SHISA9: variants seen among roughly 807,000 people sequenced by gnomAD.
SHISA9 encodes protein shisa-9.
SHISA9 carries 13 observed loss-of-function variants against 38.0 expected under a neutral mutation model. That is an observed-to-expected ratio of 0.34 (90% CI 0.22 to 0.54). The LOEUF (loss-of-function observed/expected upper bound fraction) is 0.54, where lower values mean the gene tolerates loss of function less well. SHISA9 is among the 20% of genes least tolerant of loss of function. The pLI is 0.91. For synonymous variants in SHISA9, 275 were observed against 242.0 expected (o/e 1.14, Z -1.27); for missense variants, 538 against 575.8 (o/e 0.93, Z 0.67).
At chr16:13,114,988 A>G (rs1399128139) in intron 2 of SHISA9, among the ~76,000 whole-genome samples, 1 of 137,264 alleles carries the variant, frequency 7.3e-6, no homozygotes, top group Non-Finnish European at 1.5e-5. Flanking sequence ...CTATCTATCT[A>G]TCGATCATCT....
chr16:13,178,570 G>C (rs1403321031), intron 2 of SHISA9, among the ~76,000 whole-genome samples: 1 of 152,208 alleles, frequency 6.6e-6, no homozygotes, highest in African/African-American at 2.4e-5. Flanking sequence ...CTATTTGGCA[G>C]AGTCATCTAG....
At chr16:13,308,084 T>C in the SHISA9 span, among the ~76,000 whole-genome samples, 3 of 152,192 alleles carry the variant, frequency 2.0e-5, no homozygotes, top group East Asian at 5.8e-4. Flanking sequence ...ACATTCAAAG[T>C]ACATCTGGAA....
At chr16:13,446,675 A>G in the SHISA9 span, among the ~76,000 whole-genome samples, 5 of 151,954 alleles carry the variant, frequency 3.3e-5, no homozygotes, top group African/African-American at 1.2e-4. Flanking sequence ...TTGTGGGAGA[A>G]TCAGAAAGGA....
At chr16:12,953,715 A>G (rs1436224289) in intron 2 of SHISA9, among the ~76,000 whole-genome samples, 1 of 152,192 alleles carries the variant, frequency 6.6e-6, no homozygotes, top group Non-Finnish European at 1.5e-5. Context: ...ATTCATTCTC[A>G]CACTGCTATA....
chr16:12,940,833 T>C (rs999487159), intron 2 of SHISA9, among the ~76,000 whole-genome samples: 1 of 152,216 alleles, frequency 6.6e-6, no homozygotes, highest in African/African-American at 2.4e-5. Flanking sequence ...GTGGTGTTAC[T>C]ATCCAGTTAC....
chr16:12,988,026 C>T (rs1344615177), intron 2 of SHISA9, among the ~76,000 whole-genome samples: 2 of 152,144 alleles, frequency 1.3e-5, no homozygotes, highest in East Asian at 1.9e-4. Flanking sequence ...TAATCAGATA[C>T]CCAAAGAGGA....
chr16:13,540,241 A>G, the SHISA9 span, among the ~76,000 whole-genome samples: 2 of 151,954 alleles, frequency 1.3e-5, no homozygotes, highest in Non-Finnish European at 2.9e-5. Context: ...CCTATAGCAG[A>G]TCATTCTTGG....
At chr16:13,058,156 T>C (rs2073331789) in intron 2 of SHISA9, among the ~76,000 whole-genome samples, 1 of 152,180 alleles carries the variant, frequency 6.6e-6, no homozygotes, top group Non-Finnish European at 1.5e-5. Flanking sequence ...CCCAGGCATA[T>C]GAACTTTTTT....
chr16:13,342,867 A>C, the SHISA9 span, among the ~76,000 whole-genome samples: 1 of 152,204 alleles, frequency 6.6e-6, no homozygotes, highest in Non-Finnish European at 1.5e-5. Flanking sequence ...TAAGGGCTAC[A>C]CACCTGAGCA....
At chr16:13,073,252 T>G (rs2073540352) in intron 2 of SHISA9, among the ~76,000 whole-genome samples, 1 of 148,350 alleles carries the variant, frequency 6.7e-6, no homozygotes, top group Non-Finnish European at 1.5e-5. Flanking sequence ...ACAACAGGAC[T>G]TATCATTTCT....
the SHISA9 span, among the ~76,000 whole-genome samples, chr16:13,551,666 A>G: frequency 6.6e-6 from 1 of 152,184 alleles, no homozygotes; most frequent in Non-Finnish European, 1.5e-5. Context: ...GGCAGACACA[A>G]TTGCTGTGCA....
chr16:13,203,337 G>C, intron 2 of SHISA9, 57 bp from the exon 3 acceptor site: 1 of 1,400,640 alleles, frequency 7.1e-7, no homozygotes, highest in Non-Finnish European at 9.3e-7. Flanking sequence ...TGATGGGAGG[G>C]AAGGTAGATG....
At chr16:13,264,763 C>T in the SHISA9 span, among the ~76,000 whole-genome samples, 1 of 151,970 alleles carries the variant, frequency 6.6e-6, no homozygotes, top group Non-Finnish European at 1.5e-5. Context: ...GAGCACAGAA[C>T]CCTCATCTTG....
At chr16:12,912,756 T>G (rs2071202869) in intron 1 of SHISA9, among the ~76,000 whole-genome samples, 1 of 152,202 alleles carries the variant, frequency 6.6e-6, no homozygotes, top group African/African-American at 2.4e-5. Context: ...CCCGCACTGC[T>G]TAGTGAGTTC....
chr16:13,241,237 G>A (rs149419033), downstream of SHISA9, among the ~76,000 whole-genome samples: 3,410 of 152,234 alleles, frequency 0.022, 51 homozygotes, highest in Non-Finnish European at 0.033. Context: ...CTAGGCAGCC[G>A]GGCACGGTGG....
intron 4 of SHISA9, among the ~76,000 whole-genome samples, chr16:13,231,501 T>C (rs2051331439): frequency 6.6e-6 from 1 of 152,260 alleles, no homozygotes; most frequent in Non-Finnish European, 1.5e-5. Context: ...ATTTCAGGAA[T>C]GTGTGATCCT....
At chr16:13,167,756 G>C (rs1254588976) in intron 2 of SHISA9, among the ~76,000 whole-genome samples, 1 of 152,032 alleles carries the variant, frequency 6.6e-6, no homozygotes, top group African/African-American at 2.4e-5. Context: ...TTATTTTCCC[G>C]AGGCCTCCCC....
At chr16:13,217,862 T>C (rs1244345185) in intron 4 of SHISA9, among the ~76,000 whole-genome samples, 1 of 152,102 alleles carries the variant, frequency 6.6e-6, no homozygotes, top group African/African-American at 2.4e-5. Flanking sequence ...AAACCTCATC[T>C]CTACTAAAAA....
chr16:12,958,391 G>A (rs2071864513), intron 2 of SHISA9, among the ~76,000 whole-genome samples: 1 of 152,242 alleles, frequency 6.6e-6, no homozygotes, highest in Non-Finnish European at 1.5e-5. Context: ...AGTCTTAGAA[G>A]TAAAAATCTC....
Sources: allele counts gnomAD v4.1 joint callset (sites outside exome capture counted in the v4.1 genomes callset), GRCh38; gene constraint gnomAD v4.1.1; transcripts MANE v1.5; gene names NCBI Gene and HGNC (gene_info 2026-07-23, HGNC 2026-07-21).